The following PATJ variants were observed in gnomAD, a reference collection of about 807,000 sequenced individuals.
PATJ encodes inaD-like protein.
In PATJ, 190 loss-of-function variants were observed where a neutral mutation model predicts 224.9. That is an observed-to-expected ratio of 0.84 (90% CI 0.75 to 0.95). PATJ has a LOEUF of 0.95. Ranked by LOEUF, PATJ falls within the 40% of genes least tolerant of loss-of-function variation. PATJ has a pLI of 0.00. For synonymous variants in PATJ, 769 were observed against 820.3 expected (o/e 0.94, Z 1.07); for missense variants, 2,121 against 2,270.3 (o/e 0.93, Z 1.34).
rs181088704 is a variant in PATJ at position 62,073,386 on chromosome 1, G to A, written c.4126-6064G>A. ...GCTTGTAATCCCACCACTTTGGGAG[G>A]CCAAGGCAGGCAGATTGCTTGAGGT... On this transcript the variant is annotated intron_variant, in intron 31 of 43. Transcript: ENST00000642238. 4.3e-4 allele frequency: 392 copies of A among 909,824 alleles called. 1 individual carries two copies. In the African/African-American group the frequency reaches 6.8e-3, roughly 16 times the overall value. 56.4% of individuals were successfully genotyped at this position (909,824 alleles called of 1,614,324 possible). A position where few individuals can be genotyped will look rare whatever the true frequency, so the allele number is the denominator to read the frequency against.
chr1:62,015,121 G>A (rs896842427), intron 28 of PATJ, among the ~76,000 whole-genome samples: 1 of 151,820 alleles, frequency 6.6e-6, no homozygotes, highest in Non-Finnish European at 1.5e-5. Context: ...CCAACATAGT[G>A]AAACCCCATC....
At chr1:62,060,819 G>A (rs895561813) in intron 31 of PATJ, among the ~76,000 whole-genome samples, 1 of 152,118 alleles carries the variant, frequency 6.6e-6, no homozygotes, top group African/African-American at 2.4e-5. Context: ...TGGGATTACA[G>A]GCATAAGCCA....
At chr1:61,805,868 A>G (rs997471854) in intron 13 of PATJ, among the ~76,000 whole-genome samples, 1 of 152,194 alleles carries the variant, frequency 6.6e-6, no homozygotes, top group African/African-American at 2.4e-5. Flanking sequence ...TGGCATTTTT[A>G]TGATTGCTTT....
intron 27 of PATJ, among the ~76,000 whole-genome samples, chr1:61,965,121 CAAAAAAAAAAAAAAAAAAAAAAA>C (rs34267345): frequency 5.7e-4 from 31 of 54,386 alleles, no homozygotes; most frequent in East Asian, 2.1e-3. Context: ...GACTCTGTCT[CAAAAAAAAAAAAAAAAAAAAAAA>C]AAAAAAAAAA....
chr1:62,150,663 C>CAA (rs1048922204), intron 42 of PATJ, among the ~76,000 whole-genome samples: 2 of 80,828 alleles, frequency 2.5e-5, no homozygotes, highest in Non-Finnish European at 4.4e-5. Flanking sequence ...GGAGACAGAA[C>CAA]AAGACCCTGT....
intron 30 of PATJ, among the ~76,000 whole-genome samples, chr1:62,040,622 G>A (rs1298872737): frequency 2.0e-5 from 3 of 152,180 alleles, no homozygotes; most frequent in African/African-American, 7.2e-5. Flanking sequence ...AGGTGAGAAT[G>A]AGCTGGGGCG....
At chr1:61,805,667 A>C (rs2148612571) in intron 13 of PATJ, 143 bp downstream of exon 13, 1 of 592,590 alleles carries the variant, frequency 1.7e-6, no homozygotes, top group East Asian at 2.9e-5. Flanking sequence ...CTAGTGGATC[A>C]ATCGATTTTT....
intron 31 of PATJ, among the ~76,000 whole-genome samples, chr1:62,065,867 A>G (rs1656321218): frequency 6.6e-6 from 1 of 152,196 alleles, no homozygotes; most frequent in South Asian, 2.1e-4. Flanking sequence ...CCCTCCTTTC[A>G]GAATCCCACT....
chr1:61,870,772 T>A (rs1017450819), intron 20 of PATJ, among the ~76,000 whole-genome samples: 1 of 152,190 alleles, frequency 6.6e-6, no homozygotes, highest in Admixed American at 6.5e-5. Context: ...CATATGCTAA[T>A]TCTATATTTA....
Position 62,111,384 on chromosome 1 carries a change from T to C in PATJ, c.4462-2669T>C, listed in dbSNP as rs537991263. On this transcript the variant is annotated intron_variant, in intron 34 of 43. Coordinates refer to ENST00000642238, the MANE Select transcript of PATJ (RefSeq NM_001350145.3). ...GGCCTAAAGTAGCAGTGAATGATCA[T>C]GCTGAGAGGAAAAACAGCCTTCACT... Among the ~76,000 whole-genome samples, 5 of 152,332 alleles carry C rather than the reference T, an allele frequency of 3.3e-5. No homozygotes were observed. In the South Asian group the frequency reaches 1.0e-3, roughly 32 times the overall value.
At chr1:62,150,923 G>A (rs898552325) in intron 42 of PATJ, among the ~76,000 whole-genome samples, 49 of 151,062 alleles carry the variant, frequency 3.2e-4, no homozygotes, top group Non-Finnish European at 6.6e-4. Context: ...TGGGCAGATC[G>A]CCTGAGGTCA....
intron 43 of PATJ, 102 bp downstream of exon 43, chr1:62,153,583 G>A (rs1668847803): frequency 3.4e-6 from 2 of 582,102 alleles, no homozygotes; most frequent in Non-Finnish European, 5.0e-6. Flanking sequence ...ACCTGGATGT[G>A]TGCATGTATG....
intron 27 of PATJ, among the ~76,000 whole-genome samples, chr1:61,928,281 A>C (rs1359933883): frequency 1.3e-5 from 2 of 152,218 alleles, no homozygotes; most frequent in Non-Finnish European, 2.9e-5. Flanking sequence ...GCATTAGATG[A>C]ATCAAATATG....
chr1:61,743,531 A>T (rs573185459), intron 1 of PATJ, among the ~76,000 whole-genome samples: 2 of 152,208 alleles, frequency 1.3e-5, no homozygotes, highest in Non-Finnish European at 1.5e-5. Flanking sequence ...GGAAGGCAGA[A>T]GCCTTTGGAA....
intron 29 of PATJ, among the ~76,000 whole-genome samples, chr1:62,023,693 A>G (rs1325258259): frequency 2.0e-5 from 3 of 152,230 alleles, no homozygotes; most frequent in Admixed American, 6.5e-5. Context: ...AGATTCCACA[A>G]TTGGATACCC....
In PATJ at chr1:61,812,354, TAGAGAGAGAG is replaced by T. The variant is rs71050165; in HGVS notation, c.1683+3856_1683+3865del. Among the ~76,000 whole-genome samples, 117 of 111,740 alleles carry T rather than the reference TAGAGAGAGAG, an allele frequency of 1.0e-3. 2 individuals are homozygous for T. The highest frequency in any genetic ancestry group is 3.6e-3 in the East Asian group (11 of 3,058). 73.3% of individuals were successfully genotyped at this position (111,740 alleles called of 152,430 possible). ...GTGGTGATAGAGGAAGGGGAGGGAA[TAGAGAGAGAG>T]AGAGAGAGAGAGAGAGAGAGAGAGA... On this transcript the variant is annotated intron_variant, in intron 14 of 43. Transcript: ENST00000642238.
At position 62,011,160 on chromosome 1, in the gene PATJ, G is replaced by A. The variant is rs141438447; in HGVS notation, c.3868-6696G>A. On this transcript the variant is annotated intron_variant, in intron 28 of 43. Transcript: ENST00000642238. ...TCGCTTTCTTATCATTCCTGTGTTC[G>A]CTGGAGTGGCACTTTTAATTTCCTT... Among the ~76,000 whole-genome samples the A allele has an allele frequency of 7.5e-3, 1,144 of 152,244 alleles. 21 individuals are homozygous for A. Among genetic ancestry groups the A allele is most frequent in the African/African-American group, 0.026 (1,079 of 41,548 alleles).
intron 21 of PATJ, among the ~76,000 whole-genome samples, chr1:61,880,969 C>G (rs982160303): frequency 6.6e-6 from 1 of 152,162 alleles, no homozygotes; most frequent in African/African-American, 2.4e-5. Context: ...TGGCACACAC[C>G]TGTAATCTCA....
intron 24 of PATJ, 85 bp from the exon 25 acceptor site, chr1:61,908,287 C>A (rs1672131504): frequency 9.3e-6 from 8 of 857,520 alleles, no homozygotes. Context: ...GTTCTTATAA[C>A]TAGATAATGC....
Sources: gnomAD v4.1 joint callset for allele counts (sites outside exome capture counted in the v4.1 genomes callset) on GRCh38, gnomAD v4.1.1 for gene constraint, MANE v1.5 for transcripts, NCBI Gene and HGNC (gene_info 2026-07-23, HGNC 2026-07-21) for gene names.